GPC6: variants seen among roughly 807,000 people sequenced by gnomAD.
The protein encoded by GPC6 is glypican 6.
GPC6 carries 14 observed loss-of-function variants against 55.2 expected under a neutral mutation model. The ratio of observed to expected loss-of-function variants is 0.25; its 90% CI spans 0.17 to 0.40. The LOEUF (loss-of-function observed/expected upper bound fraction) is 0.40, where lower values mean the gene tolerates loss of function less well. Among genes scored for constraint, GPC6 ranks in the 10% least tolerant of loss-of-function variants. The pLI is 1.00. For synonymous variants in GPC6, 278 were observed against 259.6 expected, an observed-to-expected ratio of 1.07 and a Z score of -0.68; for missense variants, 641 against 708.5, an observed-to-expected ratio of 0.90 and a Z score of 1.08.
chr13:93,374,955 C>G (rs1021404345), intron 1 of GPC6, among the ~76,000 whole-genome samples: 1 of 152,116 alleles, frequency 6.6e-6, no homozygotes, highest in Admixed American at 6.5e-5. Flanking sequence ...GATTTTATCT[C>G]TAATCATCCT....
chr13:93,497,108 T>C (rs1181155933), intron 1 of GPC6, among the ~76,000 whole-genome samples: 1 of 152,242 alleles, frequency 6.6e-6, no homozygotes, highest in African/African-American at 2.4e-5. Context: ...TGGTTGATTC[T>C]GTCTGCATCA....
At chr13:93,857,474 TAAC>T (rs1566572640) in intron 3 of GPC6, among the ~76,000 whole-genome samples, 1 of 151,714 alleles carries the variant, frequency 6.6e-6, no homozygotes, top group East Asian at 2.0e-4. Context: ...GCAAGTGATA[TAAC>T]AACAGTTTAT....
At chr13:93,940,695 G>A (rs1356820510) in intron 3 of GPC6, among the ~76,000 whole-genome samples, 1 of 152,108 alleles carries the variant, frequency 6.6e-6, no homozygotes, top group South Asian at 2.1e-4. Context: ...ATACTTATGA[G>A]ACAAAGGATA....
At chr13:93,292,562 G>A (rs1185595842) in intron 1 of GPC6, among the ~76,000 whole-genome samples, 1 of 152,132 alleles carries the variant, frequency 6.6e-6, no homozygotes, top group African/African-American at 2.4e-5. Context: ...TTACATGCTT[G>A]TATATATGTA....
intron 2 of GPC6, among the ~76,000 whole-genome samples, chr13:93,813,065 A>G (rs1886744522): frequency 6.6e-6 from 1 of 152,182 alleles, no homozygotes; most frequent in Non-Finnish European, 1.5e-5. Context: ...ATTTAGAACT[A>G]CTGTGAGCTG....
chr13:93,316,517 T>C (rs1323995), intron 1 of GPC6, among the ~76,000 whole-genome samples: 89,991 of 151,792 alleles, frequency 0.59, 26,878 homozygotes, highest in East Asian at 0.77. Flanking sequence ...AATGTGAAAG[T>C]ATGCTCTAGG....
chr13:93,625,202 G>A (rs559748930), intron 2 of GPC6, among the ~76,000 whole-genome samples: 22 of 152,150 alleles, frequency 1.4e-4, no homozygotes, highest in African/African-American at 4.3e-4. Flanking sequence ...TTAATAAAAA[G>A]GATGTATAGT....
At chr13:93,233,688 T>A (rs1416836171) in intron 1 of GPC6, among the ~76,000 whole-genome samples, 1 of 152,148 alleles carries the variant, frequency 6.6e-6, no homozygotes, top group Non-Finnish European at 1.5e-5. Context: ...ATGGGCGCCC[T>A]TCAGTAAGGA....
At chr13:93,717,284 C>T (rs1228928520) in intron 2 of GPC6, among the ~76,000 whole-genome samples, 1 of 151,606 alleles carries the variant, frequency 6.6e-6, no homozygotes, top group African/African-American at 2.4e-5. Context: ...ATAATGAAAG[C>T]ATATTTATTT....
At chr13:93,450,849 C>T (rs1233067583) in intron 1 of GPC6, 1 of 226,348 alleles carries the variant, frequency 4.4e-6, no homozygotes, top group Non-Finnish European at 7.3e-6. Context: ...CATTGGCATA[C>T]ATAGAAGAGT....
intron 2 of GPC6, among the ~76,000 whole-genome samples, chr13:93,741,781 A>G (rs751721898): frequency 1.1e-4 from 17 of 152,172 alleles, no homozygotes; most frequent in Non-Finnish European, 2.2e-4. Flanking sequence ...TAGTGTTAGC[A>G]TGACCTACTT....
At chr13:94,036,471 C>T (rs986103918) in intron 4 of GPC6, among the ~76,000 whole-genome samples, 2 of 151,940 alleles carry the variant, frequency 1.3e-5, no homozygotes, top group African/African-American at 4.8e-5. Context: ...CTGTATGCAT[C>T]ACATTTTTAT....
At chr13:93,481,825 G>A (rs2139342411) in intron 1 of GPC6, among the ~76,000 whole-genome samples, 1 of 152,156 alleles carries the variant, frequency 6.6e-6, no homozygotes, top group East Asian at 1.9e-4. Context: ...CTACCATTTT[G>A]TATTAAGACT....
Position 94,398,498 on chromosome 13 carries a change from C to T in GPC6, c.1322C>T (p.Thr441Ile). 6.2e-7 allele frequency: 1 copy of T among 1,613,740 alleles called. No individual in the cohort carries two copies. The highest frequency in any genetic ancestry group is 1.7e-4 in the Middle Eastern group (1 of 6,056). Residue 441 changes from threonine to isoleucine, a missense_variant, in exon 8 of 9, where the codon ACC becomes ATC. Physicochemically the swap from Thr to Ile is moderately conservative, Grantham distance 89. Transcript: ENST00000377047. ...YLPEIMNDGL[T>I]NQINNPEVDV... ...CCTGAGATCATGAATGATGGGCTCA[C>T]CAACCAGATCAACAATCCCGAGGTG...
intron 1 of GPC6, among the ~76,000 whole-genome samples, chr13:93,326,288 T>C (rs1392855632): frequency 6.6e-6 from 1 of 152,158 alleles, no homozygotes; most frequent in Non-Finnish European, 1.5e-5. Context: ...TCTTGTTCAA[T>C]TGCAAATTCT....
chr13:93,596,610 AATATATATATAT>A (rs66682625), intron 2 of GPC6, among the ~76,000 whole-genome samples: 2 of 132,870 alleles, frequency 1.5e-5, no homozygotes, highest in Non-Finnish European at 3.1e-5. Flanking sequence ...TAAATAAATA[AATATATATATAT>A]ATATATATAT....
intron 4 of GPC6, among the ~76,000 whole-genome samples, chr13:94,121,229 T>C (rs1886618579): frequency 6.6e-6 from 1 of 152,096 alleles, no homozygotes; most frequent in African/African-American, 2.4e-5. Context: ...TTTCTTCCAT[T>C]GTAATGACTG....
chr13:93,989,628 C>T (rs1484438651), intron 3 of GPC6, among the ~76,000 whole-genome samples: 4 of 152,100 alleles, frequency 2.6e-5, no homozygotes, highest in Admixed American at 6.6e-5. Flanking sequence ...TGAAGATATA[C>T]GTGCTATGCT....
chr13:93,782,504 T>C (rs1594452599), intron 2 of GPC6, among the ~76,000 whole-genome samples: 1 of 152,294 alleles, frequency 6.6e-6, no homozygotes, highest in Non-Finnish European at 1.5e-5. Context: ...TTGAAAAACC[T>C]CTATTCTGTT....
Sources: allele counts gnomAD v4.1 joint callset (sites outside exome capture counted in the v4.1 genomes callset), GRCh38; gene constraint gnomAD v4.1.1; transcripts MANE v1.5; gene names NCBI Gene and HGNC (gene_info 2026-07-23, HGNC 2026-07-21).